The following MINAR1 variants were observed in gnomAD, a reference collection of about 807,000 sequenced individuals.
MINAR1 encodes the protein membrane integral NOTCH2 associated receptor 1.
MINAR1 carries 40 observed loss-of-function variants against 65.1 expected under a neutral mutation model. That is an observed-to-expected ratio of 0.61 (90% CI 0.48 to 0.80). The LOEUF (loss-of-function observed/expected upper bound fraction) is 0.80, where lower values mean the gene tolerates loss of function less well. MINAR1 is among the 30% of genes least tolerant of loss of function. MINAR1 has a pLI of 0.00. For missense variants in MINAR1, 1,128 were observed against 1,148.0 expected, an observed-to-expected ratio of 0.98 and a Z score of 0.25; for synonymous variants, 482 against 449.1, an observed-to-expected ratio of 1.07 and a Z score of -0.93.
At position 79,464,310 on chromosome 15, in the gene MINAR1, A is replaced by T. The variant is rs117264699; in HGVS notation, c.2553+989A>T. On this transcript the variant is annotated intron_variant, in intron 3 of 3. Transcript: ENST00000305428. The stretch of plus-strand genomic sequence containing the variant: ...AATTAATATATTTAAAGTACCTGGC[A>T]TCAAGTAGGCACTGAAAAAGAAGGC... 1.3e-3 allele frequency among the ~76,000 whole-genome samples: 191 copies of T among 152,378 alleles called. No homozygotes were observed. In the East Asian group the frequency reaches 0.028, roughly 22 times the overall value.
At chr15:79,455,102 G>A (rs964111142) in intron 1 of MINAR1, among the ~76,000 whole-genome samples, 3 of 152,144 alleles carry the variant, frequency 2.0e-5, no homozygotes, top group Non-Finnish European at 4.4e-5. Flanking sequence ...GGAGAATCCA[G>A]ATCTTGGGTA....
At chr15:79,427,854 C>T (rs1320197517), upstream of MINAR1, among the ~76,000 whole-genome samples, 1 of 152,098 alleles carries the variant, frequency 6.6e-6, no homozygotes, top group Non-Finnish European at 1.5e-5. Context: ...AGGTGACAAC[C>T]CTGGAGTACC....
chr15:79,464,030 C>T (rs566358672), intron 3 of MINAR1, among the ~76,000 whole-genome samples: 1 of 152,308 alleles, frequency 6.6e-6, no homozygotes, highest in East Asian at 1.9e-4. Flanking sequence ...AATGACCATG[C>T]ACTTGAAGCA....
At chr15:79,424,244 A>G in the MINAR1 span, 1 of 152,250 alleles carries the variant, frequency 6.6e-6, no homozygotes, top group Admixed American at 6.5e-5. Context: ...ACATTCAGAT[A>G]GAGAGACCAG....
intron 3 of MINAR1, among the ~76,000 whole-genome samples, chr15:79,467,774 G>C (rs1895924443): frequency 6.6e-6 from 1 of 152,194 alleles, no homozygotes. Context: ...TGATGGTCTT[G>C]TTTCAAGCAG....
At chr15:79,442,296 T>C (rs1362871142) in intron 1 of MINAR1, among the ~76,000 whole-genome samples, 1 of 152,104 alleles carries the variant, frequency 6.6e-6, no homozygotes. Context: ...ATTATTCCAG[T>C]AGTATTTTAA....
intron 1 of MINAR1, among the ~76,000 whole-genome samples, chr15:79,436,663 G>A (rs984088070): frequency 2.6e-5 from 4 of 152,204 alleles, no homozygotes; most frequent in African/African-American, 4.8e-5. Flanking sequence ...CATTGTCCAA[G>A]TTAGAGAACT....
rs777345597 is a variant in MINAR1 at position 79,463,197 on chromosome 15, C to T, written c.2429C>T (p.Pro810Leu). The part of the protein sequence containing the change: ...ASLKAHMKSN[P>L]LYTDMRLTEL... ...CTCAAGGCCCACATGAAGAGCAACC[C>T]CCTGTACACAGACATGCGGCTGACC... is the stretch of plus-strand genomic sequence containing the variant. Residue 810 changes from proline to leucine, a missense_variant, in exon 3 of 4, where the codon CCC becomes CTC. Transcript: ENST00000305428. The T allele has an allele frequency of 8.7e-6, 14 of 1,614,130 alleles. No homozygotes were observed. In the African/African-American group the frequency reaches 1.6e-4, roughly 18 times the overall value.
At chr15:79,415,626 C>A in the MINAR1 span, 1 of 152,222 alleles carries the variant, frequency 6.6e-6, no homozygotes, top group South Asian at 2.1e-4. Context: ...TGGATGAGGG[C>A]TCTACTTGAT....
chr15:79,452,577 GGTGAGTCTGTGTAGGT>G (rs1895252941), intron 1 of MINAR1, among the ~76,000 whole-genome samples: 1 of 145,276 alleles, frequency 6.9e-6, no homozygotes, highest in African/African-American at 2.6e-5. Flanking sequence ...TGAGTGTATG[GGTGAGTCTGTGTAGGT>G]GTGAGTCTGG....
chr15:79,443,836 A>G (rs777165465), intron 1 of MINAR1, among the ~76,000 whole-genome samples: 2 of 152,030 alleles, frequency 1.3e-5, no homozygotes, highest in Non-Finnish European at 2.9e-5. Context: ...GGGTGGCAAT[A>G]GGTTTTGATT....
chr15:79,416,619 GA>G, the MINAR1 span: 4 of 152,188 alleles, frequency 2.6e-5, no homozygotes, highest in African/African-American at 9.7e-5. Context: ...GGCTGAGGGG[GA>G]AACTCATTAT....
chr15:79,430,982 G>C (rs1283615434), upstream of MINAR1, among the ~76,000 whole-genome samples: 1 of 152,198 alleles, frequency 6.6e-6, no homozygotes, highest in Admixed American at 6.5e-5. Flanking sequence ...CTTTTAAAGC[G>C]TTGTTGCCAC....
chr15:79,457,043 T>C lies in MINAR1; in HGVS notation c.896T>C (p.Phe299Ser), dbSNP rs750064566. 4 of 1,613,950 alleles carry C rather than the reference T, an allele frequency of 2.5e-6. No homozygotes were observed. Among genetic ancestry groups the C allele is most frequent in the Non-Finnish European group, 3.4e-6 (4 of 1,179,912 alleles). Residue 299 changes from phenylalanine (F) to serine (S), a missense_variant, in exon 2 of 4, where the codon TTC becomes TCC. Phe to Ser is a radical substitution (Grantham distance 155, BLOSUM62 -2). Transcript: ENST00000305428. Reference sequence around the variant, plus strand: ...CGAAAGGAACCCCACAAGCCACCCTTCTTCAACCACAGCTTTGAAATGCCC... The same window carrying C: ...CGAAAGGAACCCCACAAGCCACCCTCCTTCAACCACAGCTTTGAAATGCCC... ...QSRKEPHKPP[F>S]FNHSFEMPYN...
chr15:79,469,526 C>T lies in MINAR1; in HGVS notation c.*1142C>T, dbSNP rs1229279700. The stretch of plus-strand genomic sequence containing the variant: ...GTGCAAAAAATATTATCTGTTTAAC[C>T]ACTTATCTATATGTCTATCTATCTA... On this transcript the variant is annotated 3_prime_UTR_variant, in exon 4 of 4. Coordinates refer to ENST00000305428, the MANE Select transcript of MINAR1 (RefSeq NM_015206.3). 1.3e-5 allele frequency: 2 copies of T among 152,208 alleles called. No homozygotes were observed. Among genetic ancestry groups the T allele is most frequent in the African/African-American group, 2.4e-5 (1 of 41,304 alleles). 9.4% of individuals were successfully genotyped at this position (152,208 alleles called of 1,614,324 possible).
chr15:79,446,266 T>C (rs1895015173), intron 1 of MINAR1, among the ~76,000 whole-genome samples: 1 of 152,176 alleles, frequency 6.6e-6, no homozygotes, highest in African/African-American at 2.4e-5. Context: ...TTAATTCTGA[T>C]CACTTCCTCT....
intron 1 of MINAR1, among the ~76,000 whole-genome samples, chr15:79,435,358 A>G (rs1894568294): frequency 1.3e-5 from 2 of 152,174 alleles, no homozygotes. Context: ...GTGGTGTCTG[A>G]AGAACCCTTT....
intron 3 of MINAR1, among the ~76,000 whole-genome samples, chr15:79,464,006 CGTCCAGGCTCT>C (rs1895748250): frequency 6.6e-6 from 1 of 152,212 alleles, no homozygotes; most frequent in Admixed American, 6.5e-5. Context: ...GTGCCCGTTC[CGTCCAGGCTCT>C]GGAATGACCA....
At position 79,470,615 on chromosome 15, in the gene MINAR1, A is replaced by C. The variant is rs981545230; in HGVS notation, c.*2231A>C. ...CTAGCTACCTTGGGAAGGCATGACT[A>C]TAAGTCACACCTCAGGCTTGGAAAT... On this transcript the variant is annotated 3_prime_UTR_variant, in exon 4 of 4. Coordinates refer to ENST00000305428, the MANE Select transcript of MINAR1 (RefSeq NM_015206.3). 2.0e-5 allele frequency: 3 copies of C among 152,164 alleles called. No individual in the cohort carries two copies. Among genetic ancestry groups the C allele is most frequent in the African/African-American group, 4.8e-5 (2 of 41,402 alleles). The allele number at this position is 152,164 out of a possible 1,614,324, so 9.4% of individuals were successfully genotyped here.
Sources: allele counts gnomAD v4.1 joint callset (sites outside exome capture counted in the v4.1 genomes callset), GRCh38; gene constraint gnomAD v4.1.1; transcripts MANE v1.5; gene names NCBI Gene and HGNC (gene_info 2026-07-23, HGNC 2026-07-21).